NDST1: variants seen among roughly 807,000 people sequenced by gnomAD.
NDST1 encodes the protein bifunctional heparan sulfate N-deacetylase/N-sulfotransferase 1.
NDST1 carries 35 observed loss-of-function variants against 92.8 expected under a neutral mutation model. That is an observed-to-expected ratio of 0.38 (90% CI 0.29 to 0.50). The LOEUF is 0.50. Among genes scored for constraint, NDST1 ranks in the 20% least tolerant of loss-of-function variants. NDST1 has a pLI of 0.94. For synonymous variants in NDST1, 493 were observed against 500.3 expected (o/e 0.99, Z 0.19); for missense variants, 822 against 1,182.7 (o/e 0.69, Z 4.47).
At chr5:150,522,652 G>C (rs947648258) in intron 2 of NDST1, among the ~76,000 whole-genome samples, 2 of 152,314 alleles carry the variant, frequency 1.3e-5, no homozygotes, top group South Asian at 4.1e-4. Context: ...AGTCCCTGCT[G>C]TCATGGAGCT....
intron 3 of NDST1, among the ~76,000 whole-genome samples, chr5:150,531,917 G>C (rs989586990): frequency 6.6e-6 from 1 of 152,218 alleles, no homozygotes; most frequent in Non-Finnish European, 1.5e-5. Context: ...CTGGGTGCAC[G>C]GTGCGCGGGA....
At chr5:150,510,305 T>C (rs1198972224) in intron 1 of NDST1, among the ~76,000 whole-genome samples, 1 of 152,254 alleles carries the variant, frequency 6.6e-6, no homozygotes, top group Non-Finnish European at 1.5e-5. Context: ...TGGGATATGC[T>C]GCTTTGTTCC....
At chr5:150,531,282 A>G (rs1754719041) in intron 3 of NDST1, among the ~76,000 whole-genome samples, 1 of 151,954 alleles carries the variant, frequency 6.6e-6, no homozygotes, top group Admixed American at 6.6e-5. Context: ...TGAGGTGGGT[A>G]TTGTTCTGAG....
chr5:150,533,816 C>T (rs1253167654), intron 4 of NDST1, among the ~76,000 whole-genome samples: 1 of 151,986 alleles, frequency 6.6e-6, no homozygotes, highest in Non-Finnish European at 1.5e-5. Flanking sequence ...GGCGCTGTGG[C>T]TCACGCCTGT....
At chr5:150,510,920 G>T (rs927118413) in intron 1 of NDST1, among the ~76,000 whole-genome samples, 1 of 152,244 alleles carries the variant, frequency 6.6e-6, no homozygotes, top group African/African-American at 2.4e-5. Flanking sequence ...AATGGAGAAA[G>T]GGATGTGCAG....
chr5:150,509,163 C>T (rs549629622), intron 1 of NDST1, among the ~76,000 whole-genome samples: 1 of 152,062 alleles, frequency 6.6e-6, no homozygotes, highest in Non-Finnish European at 1.5e-5. Flanking sequence ...AGATGGAGGC[C>T]CCTGAGTCTG....
At chr5:150,535,968 C>G in intron 6 of NDST1, 83 bp downstream of exon 6, 1 of 1,484,532 alleles carries the variant, frequency 6.7e-7, no homozygotes, top group South Asian at 1.2e-5. Context: ...TCCTGGTAAG[C>G]ACGGCTCTGG....
At position 150,523,541 on chromosome 5, in the gene NDST1, G is replaced by A. The variant is rs973519679; in HGVS notation, c.513+1774G>A. Among the ~76,000 whole-genome samples the A allele has an allele frequency of 3.9e-5, 6 of 152,338 alleles. No individual in the cohort carries two copies. The East Asian group carries it at 9.6e-4, about 24-fold the overall frequency. On this transcript the variant is annotated intron_variant, in intron 2 of 14. Coordinates refer to ENST00000261797, the MANE Select transcript of NDST1 (RefSeq NM_001543.5). ...GTGTCCAAGCCTACGCCTCTGATGA[G>A]TATAGGTCTGGGATTTGAACTCAAG...
intron 1 of NDST1, among the ~76,000 whole-genome samples, chr5:150,502,245 T>C (rs1478929631): frequency 2.0e-5 from 3 of 151,664 alleles, no homozygotes; most frequent in Non-Finnish European, 4.4e-5. Context: ...ACGAGAGAGG[T>C]TGGGCGAGTC....
At chr5:150,527,450 AG>A (rs1242862204) in intron 2 of NDST1, among the ~76,000 whole-genome samples, 7 of 152,214 alleles carry the variant, frequency 4.6e-5, no homozygotes, top group African/African-American at 1.7e-4. Flanking sequence ...GCAGTCTAGC[AG>A]GATTCATGTT....
At chr5:150,552,138 G>A (rs1454812114) in intron 14 of NDST1, among the ~76,000 whole-genome samples, 4 of 152,270 alleles carry the variant, frequency 2.6e-5, no homozygotes, top group Middle Eastern at 3.4e-3. Context: ...CCTGGTCTTG[G>A]AGGGGTATGA....
At position 150,528,225 on chromosome 5, in the gene NDST1, G is replaced by A. The variant is rs779022603; in HGVS notation, c.935G>A (p.Arg312His). Reference protein sequence around the residue: ...TGKRLSLPLDRYILVDIDDIF... With the variant: ...TGKRLSLPLDHYILVDIDDIF... ...AAGCGCCTCTCCCTGCCATTGGACCGCTACATCCTGGTGGACATTGATGAC... is the reference window on the plus strand; with the variant it reads ...AAGCGCCTCTCCCTGCCATTGGACCACTACATCCTGGTGGACATTGATGAC... The change falls in exon 3 of 15, where the codon CGC becomes CAC. Residue 312 changes from arginine to histidine, a missense_variant. Transcript: ENST00000261797. 14 of 1,613,748 alleles carry A rather than the reference G, an allele frequency of 8.7e-6. No homozygotes were observed. The highest frequency in any genetic ancestry group is 4.5e-5 in the East Asian group (2 of 44,856).
chr5:150,539,218 C>T lies in NDST1; in HGVS notation c.1438-10C>T. On this transcript the variant is annotated splice_polypyrimidine_tract_variant and intron_variant, in intron 6 of 14. Transcript: ENST00000261797. ...GGCACCATAGCTCCTCTCCCCCACC[C>T]CCTCCTCAGGTTCTCCCACGGCAGA... 2 of 1,611,678 alleles carry T rather than the reference C, an allele frequency of 1.2e-6. No individual in the cohort carries two copies. The highest frequency in any genetic ancestry group is 1.7e-6 in the Non-Finnish European group (2 of 1,177,744).
chr5:150,553,821 C>T lies in NDST1; in HGVS notation c.*489C>T, dbSNP rs1755813886. The T allele has an allele frequency of 8.6e-6, 4 of 462,988 alleles. No homozygotes were observed. Among genetic ancestry groups the T allele is most frequent in the African/African-American group, 3.9e-5 (2 of 51,702 alleles). The allele number at this position is 462,988 out of a possible 1,614,324, so 28.7% of individuals were successfully genotyped here. A position where few individuals can be genotyped will look rare whatever the true frequency, so the allele number is the denominator to read the frequency against. ...TCTTCCAAGGGGCCAGCTGGGTCCC[C>T]GGAGTCAGTCCTAGGCTGGATGGGA... On this transcript the variant is annotated 3_prime_UTR_variant, in exon 15 of 15. Transcript: ENST00000261797. The surrounding 1 kb of genome is among the most constrained non-coding windows in gnomAD (Gnocchi z 4.2).
chr5:150,557,866 T>A lies in NDST1; in HGVS notation c.*4534T>A, dbSNP rs1274966817. The A allele has an allele frequency of 6.5e-6, 1 of 152,672 alleles. No individual in the cohort carries two copies. The highest frequency in any genetic ancestry group is 1.5e-5 in the Non-Finnish European group (1 of 68,056). The allele number at this position is 152,672 out of a possible 1,614,324, so 9.5% of individuals were successfully genotyped here. A position where few individuals can be genotyped will look rare whatever the true frequency, so the allele number is the denominator to read the frequency against. ...CCTAAGAAGTTCATCCCTCCTGCTCTTACTGTTTCCGGCCCTGGAGGAGAA... is the reference window on the plus strand; with the variant it reads ...CCTAAGAAGTTCATCCCTCCTGCTCATACTGTTTCCGGCCCTGGAGGAGAA... On this transcript the variant is annotated 3_prime_UTR_variant, in exon 15 of 15. Coordinates refer to ENST00000261797, the MANE Select transcript of NDST1 (RefSeq NM_001543.5). This position sits in a 1 kb window ranked among gnomAD's most constrained non-coding sequence, Gnocchi z 4.7.
chr5:150,543,210 T>C (rs998457437), intron 10 of NDST1, among the ~76,000 whole-genome samples: 2 of 152,186 alleles, frequency 1.3e-5, no homozygotes, highest in African/African-American at 4.8e-5. Context: ...GACGCTGAGG[T>C]CGAAGTCCAC....
Position 150,539,341 on chromosome 5 carries a change from C to A in NDST1, c.1551C>A (p.Thr517=), listed in dbSNP as rs376409375. Residue 517 remains threonine (T), a synonymous_variant, in exon 7 of 15, where the codon ACC becomes ACA. Transcript: ENST00000261797. ...TCAACGGGGGCGAGCTCTTCCTCAC[C>A]GTGCTCCTCAATCCTGTGAGTGCTC... The part of the protein sequence containing the change: ...KIINGGELFL[T]VLLNPISIFM... 1 of 1,614,142 alleles carries A rather than the reference C, an allele frequency of 6.2e-7. No individual in the cohort carries two copies. The highest frequency in any genetic ancestry group is 1.1e-5 in the South Asian group (1 of 91,084).
chr5:150,549,292 G>A lies in NDST1; in HGVS notation c.2317-386G>A, dbSNP rs564434556. On this transcript the variant is annotated intron_variant, in intron 12 of 14. Coordinates refer to ENST00000261797, the MANE Select transcript of NDST1 (RefSeq NM_001543.5). ...ATCCCAAAGTGCTGAGATTACAGGTGTGAGCCACCGTGCCCGGCCATGCCC... is the reference window on the plus strand; with the variant it reads ...ATCCCAAAGTGCTGAGATTACAGGTATGAGCCACCGTGCCCGGCCATGCCC... 5.9e-5 allele frequency among the ~76,000 whole-genome samples: 9 copies of A among 152,232 alleles called. No individual in the cohort carries two copies. The South Asian group carries it at 1.9e-3, about 32-fold the overall frequency.
intron 1 of NDST1, among the ~76,000 whole-genome samples, chr5:150,520,437 A>G (rs1292766696): frequency 1.3e-5 from 2 of 152,086 alleles, no homozygotes. Flanking sequence ...TATGGTGAGG[A>G]TGTGGTATTC....
Sources: allele counts gnomAD v4.1 joint callset (sites outside exome capture counted in the v4.1 genomes callset), GRCh38; gene constraint gnomAD v4.1.1; non-coding constraint Gnocchi (gnomAD v3.1); transcripts MANE v1.5; gene names NCBI Gene and HGNC (gene_info 2026-07-23, HGNC 2026-07-21).